The following ANKS1B variants were observed in gnomAD, a reference collection of about 807,000 sequenced individuals.
ANKS1B encodes the protein ankyrin repeat and sterile alpha motif domain-containing protein 1B.
ANKS1B carries 36 observed loss-of-function variants against 148.3 expected under a neutral mutation model. That is an observed-to-expected ratio of 0.24 (90% CI 0.19 to 0.32). The LOEUF (loss-of-function observed/expected upper bound fraction) is 0.32. ANKS1B is among the 10% of genes least tolerant of loss of function. The pLI, the probability that ANKS1B is intolerant of heterozygous loss-of-function variation, is 1.00. For synonymous variants in ANKS1B, 542 were observed against 560.8 expected, an observed-to-expected ratio of 0.97 and a Z score of 0.47; for missense variants, 1,157 against 1,542.6, an observed-to-expected ratio of 0.75 and a Z score of 4.19.
chr12:99,893,949 T>C (rs558561837), intron 1 of ANKS1B, among the ~76,000 whole-genome samples: 14 of 152,032 alleles, frequency 9.2e-5, no homozygotes, highest in Non-Finnish European at 1.9e-4. Context: ...ATGATGGACA[T>C]ACGGAGCCCA....
chr12:99,015,584 T>TG (rs2099941970), intron 17 of ANKS1B, among the ~76,000 whole-genome samples: 1 of 152,130 alleles, frequency 6.6e-6, no homozygotes, highest in African/African-American at 2.4e-5. Context: ...AAAATGGCTT[T>TG]GGCCGGGAGC....
chr12:99,058,848 C>CT lies in ANKS1B; in HGVS notation c.2626-5540dup, dbSNP rs1599166581. On this transcript the variant is annotated intron_variant, in intron 16 of 26. Transcript: ENST00000683438. ...CGCCTCCCAGGTTCACGCCATTCTC[C>CT]TGCCTCAGCCTCCCGAGTAGCTGGG... Among the ~76,000 whole-genome samples, 3 of 148,948 alleles carry CT rather than the reference C, an allele frequency of 2.0e-5. No individual in the cohort carries two copies. In the East Asian group the frequency reaches 6.0e-4, roughly 30 times the overall value.
At chr12:98,806,152 C>A (rs894728088) in intron 20 of ANKS1B, among the ~76,000 whole-genome samples, 3 of 152,182 alleles carry the variant, frequency 2.0e-5, no homozygotes, top group African/African-American at 4.8e-5. Context: ...GAATTACAGG[C>A]ATGAGACACT....
intron 10 of ANKS1B, among the ~76,000 whole-genome samples, chr12:99,468,724 T>C (rs1209949936): frequency 6.6e-6 from 1 of 151,904 alleles, no homozygotes; most frequent in Non-Finnish European, 1.5e-5. Flanking sequence ...GAAATGCAAA[T>C]CAAAACCACA....
At chr12:99,772,716 A>C (rs1208484978) in intron 8 of ANKS1B, 1 of 406,438 alleles carries the variant, frequency 2.5e-6, no homozygotes, top group Admixed American at 4.3e-5. Flanking sequence ...AAGTAGAGAG[A>C]CCATGAAGTG....
At chr12:98,954,647 C>T (rs2099859448) in intron 17 of ANKS1B, among the ~76,000 whole-genome samples, 1 of 152,116 alleles carries the variant, frequency 6.6e-6, no homozygotes. Flanking sequence ...AGAGAAATGC[C>T]TGCTTTGTGG....
At chr12:99,441,970 T>C (rs1231450390) in intron 11 of ANKS1B, among the ~76,000 whole-genome samples, 2 of 151,982 alleles carry the variant, frequency 1.3e-5, no homozygotes, top group African/African-American at 4.8e-5. Flanking sequence ...AGAATCTACA[T>C]TGGTATAAAA....
rs557743638 is a variant in ANKS1B at position 99,111,142 on chromosome 12, C to A, written c.2527-26119G>T. Among the ~76,000 whole-genome samples the A allele has an allele frequency of 8.5e-5, 13 of 152,276 alleles. No homozygotes were observed. In the South Asian group the frequency reaches 2.1e-3, roughly 24 times the overall value. ...GGAGCCAGAACTCAGCAAATTTTTA[C>A]CAAAGAACAATGAATTTTAAAACCT... On this transcript the variant is annotated intron_variant, in intron 15 of 26. Coordinates refer to ENST00000683438, the MANE Select transcript of ANKS1B (RefSeq NM_001352186.2).
chr12:99,835,942 A>C (rs1239025831), intron 1 of ANKS1B, among the ~76,000 whole-genome samples: 1 of 152,210 alleles, frequency 6.6e-6, no homozygotes, highest in African/African-American at 2.4e-5. Context: ...AATATTAATA[A>C]AAGTTGATGA....
chr12:99,205,854 G>T (rs1306365219), intron 14 of ANKS1B, among the ~76,000 whole-genome samples: 1 of 152,152 alleles, frequency 6.6e-6, no homozygotes, highest in Non-Finnish European at 1.5e-5. Flanking sequence ...TCCAAAATTC[G>T]TAGAGATTTG....
chr12:99,282,291 T>C (rs753373293), intron 12 of ANKS1B, among the ~76,000 whole-genome samples: 3 of 152,130 alleles, frequency 2.0e-5, no homozygotes, highest in Non-Finnish European at 4.4e-5. Flanking sequence ...TGTTCAAGAA[T>C]AGCAATGCCA....
chr12:99,003,181 C>T (rs956121332), intron 17 of ANKS1B, among the ~76,000 whole-genome samples: 5 of 152,090 alleles, frequency 3.3e-5, no homozygotes, highest in African/African-American at 1.2e-4. Context: ...TGATTCTGTT[C>T]TATTGGTCTA....
chr12:99,031,813 A>G (rs1270383659), intron 17 of ANKS1B, among the ~76,000 whole-genome samples: 1 of 152,172 alleles, frequency 6.6e-6, no homozygotes, highest in Non-Finnish European at 1.5e-5. Flanking sequence ...CAACCAACAC[A>G]ATTCATGTCC....
At chr12:99,342,104 G>A (rs972429057) in intron 12 of ANKS1B, among the ~76,000 whole-genome samples, 8 of 152,100 alleles carry the variant, frequency 5.3e-5, no homozygotes, top group East Asian at 1.9e-4. Context: ...TGAATAAAAC[G>A]CGCATAGTTC....
intron 8 of ANKS1B, among the ~76,000 whole-genome samples, chr12:99,687,479 A>G (rs1034886154): frequency 5.9e-5 from 9 of 152,052 alleles, no homozygotes; most frequent in African/African-American, 2.4e-5. Context: ...TTAGTGGCTG[A>G]GTTGGTCACT....
chr12:99,319,248 G>C (rs950252539), intron 12 of ANKS1B, among the ~76,000 whole-genome samples: 3 of 152,144 alleles, frequency 2.0e-5, no homozygotes, highest in African/African-American at 7.2e-5. Context: ...CTGTCTTGTT[G>C]ATCTGTCTAA....
chr12:98,739,178 T>C (rs1489308139), downstream of ANKS1B, among the ~76,000 whole-genome samples: 1 of 152,172 alleles, frequency 6.6e-6, no homozygotes, highest in Non-Finnish European at 1.5e-5. Context: ...TCCCTGTACC[T>C]TCTCATTGAA....
chr12:99,674,929 G>A (rs548629056), intron 8 of ANKS1B, among the ~76,000 whole-genome samples: 14 of 151,664 alleles, frequency 9.2e-5, no homozygotes, highest in Non-Finnish European at 1.6e-4. Flanking sequence ...AAAATAGCAC[G>A]GTAAATGAAA....
chr12:99,411,720 G>A (rs2094714542), intron 11 of ANKS1B, among the ~76,000 whole-genome samples: 1 of 152,004 alleles, frequency 6.6e-6, no homozygotes, highest in Admixed American at 6.6e-5. Flanking sequence ...TAGAGATTGG[G>A]CTTGCATTTT....
Sources: allele counts gnomAD v4.1 joint callset (sites outside exome capture counted in the v4.1 genomes callset), GRCh38; gene constraint gnomAD v4.1.1; transcripts MANE v1.5; gene names NCBI Gene and HGNC (gene_info 2026-07-23, HGNC 2026-07-21).